GHR: variants seen among roughly 807,000 people sequenced by gnomAD.
GHR encodes GH receptor.
Under a neutral mutation model 67.1 loss-of-function variants are expected in GHR, and 35 were observed. The observed-to-expected ratio is 0.52, with a 90% CI of 0.40 to 0.69. GHR has a LOEUF of 0.69. Ranked by LOEUF, GHR falls within the 30% of genes least tolerant of loss-of-function variation. The pLI is 0.00. For missense variants in GHR, 792 were observed against 764.6 expected, an observed-to-expected ratio of 1.04 and a Z score of -0.42; for synonymous variants, 272 against 269.1, an observed-to-expected ratio of 1.01 and a Z score of -0.10.
chr5:42,651,324 G>C (rs897735154), intron 3 of GHR, among the ~76,000 whole-genome samples: 2 of 152,110 alleles, frequency 1.3e-5, no homozygotes, highest in African/African-American at 2.4e-5. Context: ...AATTCCAAGG[G>C]GTTGGGGGAA....
chr5:42,530,474 T>C (rs182031095), intron 1 of GHR, among the ~76,000 whole-genome samples: 108 of 152,328 alleles, frequency 7.1e-4, no homozygotes, highest in Non-Finnish European at 5.3e-4. Context: ...AGATGAGCCA[T>C]GGTTGTAATT....
chr5:42,611,726 G>A (rs1049762491), intron 2 of GHR, among the ~76,000 whole-genome samples: 1 of 152,152 alleles, frequency 6.6e-6, no homozygotes, highest in Non-Finnish European at 1.5e-5. Context: ...GAGCTATCAG[G>A]AAAGAAATGG....
At chr5:42,468,808 A>T in intron 1 of GHR, 1 of 1,045,356 alleles carries the variant, frequency 9.6e-7, no homozygotes, top group East Asian at 2.6e-5. Flanking sequence ...GTTGTCAAAT[A>T]ACTGGTCGAA....
At chr5:42,575,643 G>T in intron 2 of GHR, among the ~76,000 whole-genome samples, 1 of 151,802 alleles carries the variant, frequency 6.6e-6, no homozygotes, top group African/African-American at 2.4e-5. Flanking sequence ...CCAAGTGCAG[G>T]TAAAGCTGGC....
intron 2 of GHR, among the ~76,000 whole-genome samples, chr5:42,595,595 TG>T (rs1388419607): frequency 2.0e-5 from 3 of 152,244 alleles, no homozygotes; most frequent in Non-Finnish European, 2.9e-5. Flanking sequence ...TATGTTTTGT[TG>T]TGTATTTAAT....
At chr5:42,528,464 G>C (rs1232313352) in intron 1 of GHR, among the ~76,000 whole-genome samples, 1 of 152,228 alleles carries the variant, frequency 6.6e-6, no homozygotes, top group Non-Finnish European at 1.5e-5. Flanking sequence ...CTGAAGATGT[G>C]ACTGAATTGC....
intron 1 of GHR, among the ~76,000 whole-genome samples, chr5:42,529,310 C>A (rs560163379): frequency 6.6e-6 from 1 of 152,276 alleles, no homozygotes; most frequent in Non-Finnish European, 1.5e-5. Context: ...CGCGCCTGGC[C>A]AGACATAACT....
chr5:42,670,880 AAT>A lies in GHR; in HGVS notation c.137-17994_137-17993del, dbSNP rs55876651. Among the ~76,000 whole-genome samples, 477 of 118,186 alleles carry A rather than the reference AAT, an allele frequency of 4.0e-3. 8 individuals carry two copies. In the East Asian group the frequency reaches 0.074, roughly 18 times the overall value. 77.5% of individuals were successfully genotyped at this position (118,186 alleles called of 152,430 possible). A position where few individuals can be genotyped will look rare whatever the true frequency, so the allele number is the denominator to read the frequency against. ...AAGCAAAAATTAAAAAAAAAAAAAAAATATATATATATATATAGGCAACAAAC... is the reference window on the plus strand; with the variant it reads ...AAGCAAAAATTAAAAAAAAAAAAAAAATATATATATATATAGGCAACAAAC... On this transcript the variant is annotated intron_variant, in intron 3 of 9. Transcript: ENST00000230882.
At chr5:42,563,468 A>AG (rs1749730901) in intron 1 of GHR, among the ~76,000 whole-genome samples, 1 of 151,628 alleles carries the variant, frequency 6.6e-6, no homozygotes, top group African/African-American at 2.4e-5. Flanking sequence ...TACAAAAAAA[A>AG]TTAGCCGGGC....
At chr5:42,657,579 C>T (rs1422724046) in intron 3 of GHR, among the ~76,000 whole-genome samples, 1 of 152,098 alleles carries the variant, frequency 6.6e-6, no homozygotes, top group Admixed American at 6.5e-5. Flanking sequence ...AGATACTTGC[C>T]AATATGCACC....
At chr5:42,437,254 C>G (rs1425293428) in intron 1 of GHR, among the ~76,000 whole-genome samples, 1 of 152,142 alleles carries the variant, frequency 6.6e-6, no homozygotes, top group East Asian at 1.9e-4. Context: ...ATGTAGGAAA[C>G]CATTTTCTTT....
intron 1 of GHR, among the ~76,000 whole-genome samples, chr5:42,501,209 A>G (rs1197338476): frequency 6.6e-6 from 1 of 152,196 alleles, no homozygotes; most frequent in Admixed American, 6.5e-5. Flanking sequence ...AAATAAGACT[A>G]AATCCAGTAG....
At chr5:42,456,051 G>A (rs576676009) in intron 1 of GHR, among the ~76,000 whole-genome samples, 6 of 152,302 alleles carry the variant, frequency 3.9e-5, no homozygotes, top group South Asian at 4.1e-4. Flanking sequence ...AATGGCTTAC[G>A]CCTGTAATCC....
intron 2 of GHR, 96 bp downstream of exon 2, chr5:42,566,040 A>G: frequency 6.9e-7 from 1 of 1,443,562 alleles, no homozygotes; most frequent in South Asian, 1.1e-5. Flanking sequence ...TTATTAAAAG[A>G]TGCAAGTTTT....
At chr5:42,431,931 C>T (rs991759803) in intron 1 of GHR, among the ~76,000 whole-genome samples, 4 of 151,914 alleles carry the variant, frequency 2.6e-5, no homozygotes, top group Non-Finnish European at 5.9e-5. Context: ...AGGGAAGAAG[C>T]GCATTTCACA....
intron 1 of GHR, chr5:42,468,178 C>T: frequency 1.4e-6 from 2 of 1,392,244 alleles, no homozygotes; most frequent in Non-Finnish European, 2.0e-6. Flanking sequence ...ACGAAACTCC[C>T]CTGGGGCCCA....
In GHR at chr5:42,532,170, T is replaced by C. The variant is rs543120083; in HGVS notation, c.-11-33694T>C. On this transcript the variant is annotated intron_variant, in intron 1 of 9. Transcript: ENST00000230882. The stretch of plus-strand genomic sequence containing the variant: ...AAACTGGAACTGAGAAAGCTCTTCC[T>C]GATCATATAACAATAAGTCTTGTGA... Among the ~76,000 whole-genome samples, 295 of 152,220 alleles carry C rather than the reference T, an allele frequency of 1.9e-3. 5 individuals are homozygous for C. The highest frequency in any genetic ancestry group is 1.4e-3 in the East Asian group (7 of 5,184).
At chr5:42,470,385 C>T (rs1414872392) in intron 1 of GHR, among the ~76,000 whole-genome samples, 12 of 151,936 alleles carry the variant, frequency 7.9e-5, no homozygotes, top group African/African-American at 2.7e-4. Context: ...TTTCTTCCTT[C>T]CCTTCATCTA....
At chr5:42,679,123 A>G (rs1580184261) in intron 3 of GHR, among the ~76,000 whole-genome samples, 1 of 139,900 alleles carries the variant, frequency 7.1e-6, no homozygotes, top group African/African-American at 2.6e-5. Flanking sequence ...ATAATATATT[A>G]TATATTAATT....
Sources: allele counts gnomAD v4.1 joint callset (sites outside exome capture counted in the v4.1 genomes callset), GRCh38; gene constraint gnomAD v4.1.1; transcripts MANE v1.5; gene names NCBI Gene and HGNC (gene_info 2026-07-23, HGNC 2026-07-21).